The following VPS13B variants were observed in gnomAD, a reference collection of about 807,000 sequenced individuals.
VPS13B encodes the protein vacuolar protein sorting 13 homolog B.
Under a neutral mutation model 426.4 loss-of-function variants are expected in VPS13B, and 285 were observed. That is an observed-to-expected ratio of 0.67 (90% CI 0.61 to 0.74). The LOEUF (loss-of-function observed/expected upper bound fraction) is 0.74, where lower values mean the gene tolerates loss of function less well. VPS13B is among the 30% of genes least tolerant of loss of function. VPS13B has a pLI of 0.00. For missense variants in VPS13B, 4,537 were observed against 4,782.6 expected, an observed-to-expected ratio of 0.95 and a Z score of 1.51; for synonymous variants, 1,676 against 1,676.4, an observed-to-expected ratio of 1.00 and a Z score of 0.01.
At chr8:99,093,370 T>A (rs879880983) in intron 3 of VPS13B, among the ~76,000 whole-genome samples, 5 of 151,618 alleles carry the variant, frequency 3.3e-5, no homozygotes, top group Non-Finnish European at 4.4e-5. Flanking sequence ...TTTTTTTAAA[T>A]TTTTTTTATT....
intron 8 of VPS13B, among the ~76,000 whole-genome samples, chr8:99,132,737 A>G (rs920794276): frequency 3.3e-5 from 5 of 152,162 alleles, no homozygotes; most frequent in East Asian, 1.9e-4. Context: ...AACAATATTC[A>G]TCTCCTTGTA....
chr8:99,314,161 C>A (rs1006792221), intron 19 of VPS13B, among the ~76,000 whole-genome samples: 8 of 152,074 alleles, frequency 5.3e-5, no homozygotes, highest in African/African-American at 1.9e-4. Flanking sequence ...GCTCGTTGGG[C>A]TGCACCCACT....
At chr8:99,307,674 G>A (rs967251857) in intron 19 of VPS13B, among the ~76,000 whole-genome samples, 28 of 152,058 alleles carry the variant, frequency 1.8e-4, no homozygotes, top group African/African-American at 6.7e-4. Flanking sequence ...ATTATTACAA[G>A]CAACCGACCA....
chr8:99,699,416 C>A (rs1438492921), intron 35 of VPS13B, 109 bp from the exon 36 acceptor site: 2 of 1,193,968 alleles, frequency 1.7e-6, no homozygotes, highest in Non-Finnish European at 2.4e-6. Context: ...CCTAATGAGT[C>A]CATAATATGG....
chr8:99,622,358 A>C (rs1828397682), intron 33 of VPS13B, among the ~76,000 whole-genome samples: 1 of 152,218 alleles, frequency 6.6e-6, no homozygotes, highest in Admixed American at 6.5e-5. Context: ...CACTGATTAC[A>C]GAGATATTTT....
intron 44 of VPS13B, among the ~76,000 whole-genome samples, chr8:99,810,647 T>G (rs1193699475): frequency 2.0e-5 from 3 of 152,212 alleles, no homozygotes; most frequent in Non-Finnish European, 2.9e-5. Context: ...CTCAGAATAT[T>G]TATTGATTGC....
rs1422533086 is a variant in VPS13B, at chr8:99,642,492, T to C, written c.5902T>C (p.Cys1968Arg). ...TAAAGGGGTGGCCTCTGATTACAAA[T>C]GTATAGGTAAGAACCTTCAAACTTA... is the stretch of plus-strand genomic sequence containing the variant. The part of the protein sequence containing the change: ...VLKGVASDYK[C>R]IDPGKTLPEA... The change falls in exon 34 of 62, where the codon TGT (cysteine) becomes CGT (arginine). Residue 1968 changes from cysteine to arginine, a missense_variant. By Grantham distance (180) the Cys-to-Arg change is radical (BLOSUM62 -3). This residue lies in a region of VPS13B where 4,311 missense variants were observed against 4,474.3 expected (regional missense o/e 0.96). Coordinates refer to ENST00000357162, the MANE Select transcript of VPS13B (RefSeq NM_152564.5). 1.9e-6 allele frequency: 3 copies of C among 1,612,112 alleles called. No individual in the cohort carries two copies. Among genetic ancestry groups the C allele is most frequent in the Non-Finnish European group, 2.5e-6 (3 of 1,179,540 alleles).
At chr8:99,543,664 A>G (rs1323259557) in intron 30 of VPS13B, among the ~76,000 whole-genome samples, 5 of 148,182 alleles carry the variant, frequency 3.4e-5, no homozygotes, top group Admixed American at 1.3e-4. Flanking sequence ...ACATGAACAG[A>G]CACTTCTCAA....
At chr8:99,850,766 C>T (rs1015289045) in intron 55 of VPS13B, among the ~76,000 whole-genome samples, 10 of 152,010 alleles carry the variant, frequency 6.6e-5, no homozygotes, top group African/African-American at 2.4e-4. Context: ...TCTCTACTAA[C>T]AGTACAAAAA....
intron 58 of VPS13B, among the ~76,000 whole-genome samples, chr8:99,865,332 C>T (rs1452620490): frequency 6.6e-6 from 1 of 152,220 alleles, no homozygotes; most frequent in Non-Finnish European, 1.5e-5. Flanking sequence ...TTCTCATGAA[C>T]ACCAAAGCTA....
intron 34 of VPS13B, among the ~76,000 whole-genome samples, chr8:99,644,843 A>G (rs887859763): frequency 1.3e-5 from 2 of 152,224 alleles, no homozygotes; most frequent in Non-Finnish European, 2.9e-5. Flanking sequence ...ATAAAATTCA[A>G]CTAGCATTTA....
chr8:99,519,910 C>T (rs1183464461), intron 29 of VPS13B, among the ~76,000 whole-genome samples: 1 of 151,998 alleles, frequency 6.6e-6, no homozygotes. Context: ...TGTAACAAAC[C>T]TGCATGTTGT....
chr8:99,069,122 T>A (rs191667770), intron 3 of VPS13B, among the ~76,000 whole-genome samples: 237 of 152,268 alleles, frequency 1.6e-3, no homozygotes, highest in African/African-American at 5.3e-3. Flanking sequence ...AATACCTACA[T>A]AATTTGAGCC....
chr8:99,623,486 G>A (rs945070879), intron 33 of VPS13B, among the ~76,000 whole-genome samples: 2 of 152,036 alleles, frequency 1.3e-5, no homozygotes, highest in Middle Eastern at 3.4e-3. Context: ...GTTGTTTTTT[G>A]TTTTTACTGG....
chr8:99,238,578 G>A (rs1002442858), intron 17 of VPS13B, among the ~76,000 whole-genome samples: 2 of 152,104 alleles, frequency 1.3e-5, no homozygotes, highest in Admixed American at 6.5e-5. Context: ...TAAAAAATAA[G>A]TTAAAGGATG....
chr8:99,530,544 G>T (rs896883678), intron 30 of VPS13B, among the ~76,000 whole-genome samples: 8 of 151,428 alleles, frequency 5.3e-5, no homozygotes, highest in Admixed American at 1.3e-4. Context: ...AATCTGGGAG[G>T]TGGAGGTTGC....
At position 99,115,730 on chromosome 8, in the gene VPS13B, T is replaced by C; in HGVS notation, c.793T>C (p.Ser265Pro). 2 of 1,613,274 alleles carry C rather than the reference T, an allele frequency of 1.2e-6. No homozygotes were observed. Among genetic ancestry groups the C allele is most frequent in the Non-Finnish European group, 1.7e-6 (2 of 1,179,620 alleles). Reference sequence around the variant, plus strand: ...TACTTTAGTGGAAAGTTTGAAACTTTCTATCACAGATCAACAACTGCCTAT... The same window carrying C: ...TACTTTAGTGGAAAGTTTGAAACTTCCTATCACAGATCAACAACTGCCTAT... Reference protein sequence around the residue: ...IHTLVESLKLSITDQQLPMFI... With the variant: ...IHTLVESLKLPITDQQLPMFI... Residue 265 changes from serine (S) to proline (P), a missense_variant, in exon 7 of 62, where the codon TCT (serine) becomes CCT (proline). Physicochemically the swap from Ser to Pro is moderately conservative, Grantham distance 74. Coordinates refer to ENST00000357162, the MANE Select transcript of VPS13B (RefSeq NM_152564.5).
intron 17 of VPS13B, among the ~76,000 whole-genome samples, chr8:99,194,254 C>T (rs950894436): frequency 6.6e-6 from 1 of 152,112 alleles, no homozygotes; most frequent in Non-Finnish European, 1.5e-5. Flanking sequence ...TATGAAAAGA[C>T]TTAGAGTTTT....
At chr8:99,350,543 A>G (rs1291005146) in intron 19 of VPS13B, among the ~76,000 whole-genome samples, 2 of 152,194 alleles carry the variant, frequency 1.3e-5, no homozygotes, top group Non-Finnish European at 2.9e-5. Flanking sequence ...TAAAATTTTC[A>G]GGATTTAGTG....
Sources: allele counts gnomAD v4.1 joint callset (sites outside exome capture counted in the v4.1 genomes callset), GRCh38; gene constraint gnomAD v4.1.1; regional missense constraint gnomAD v4.1.1; transcripts MANE v1.5; gene names NCBI Gene and HGNC (gene_info 2026-07-23, HGNC 2026-07-21).